The following ZER1 variants were observed in gnomAD, a reference collection of about 807,000 sequenced individuals.
The protein encoded by ZER1 is zyg-11 related cell cycle regulator, also known as protein zer-1 homolog.
In ZER1, 11 loss-of-function variants were observed where a neutral mutation model predicts 78.8. That is an observed-to-expected ratio of 0.14 (90% CI 0.09 to 0.23). The LOEUF (loss-of-function observed/expected upper bound fraction) is 0.23, where lower values mean the gene tolerates loss of function less well. Ranked by LOEUF, ZER1 falls within the 10% of genes least tolerant of loss-of-function variation. The probability of loss-of-function intolerance (pLI) is 1.00; values close to 1 mark genes in which losing one functional copy is unlikely to be tolerated. For missense variants in ZER1, 588 were observed against 996.9 expected (o/e 0.59, Z 5.52); for synonymous variants, 400 against 407.0 (o/e 0.98, Z 0.21).
chr9:128,735,185 C>A, intron 14 of ZER1, 149 bp downstream of exon 14: 1 of 709,780 alleles, frequency 1.4e-6, no homozygotes, highest in Non-Finnish European at 2.3e-6. Flanking sequence ...GCTGGGTGTC[C>A]CACAAACGCT....
chr9:128,735,261 A>G lies in ZER1; in HGVS notation c.2140+73T>C, dbSNP rs979623824. ...GCAGCAATTAATGCCCCCCTCCTGGACTACAAACTCCCTGAGGGCACATCT... is the reference window on the plus strand; with the variant it reads ...GCAGCAATTAATGCCCCCCTCCTGGGCTACAAACTCCCTGAGGGCACATCT... On this transcript the variant is annotated intron_variant, in intron 14 of 15. Transcript: ENST00000291900. 2.9e-6 allele frequency: 4 copies of G among 1,372,088 alleles called. No homozygotes were observed. In the African/African-American group the frequency reaches 5.8e-5, roughly 20 times the overall value. The allele number at this position is 1,372,088 out of a possible 1,614,324, so 85.0% of individuals were successfully genotyped here. A position where few individuals can be genotyped will look rare whatever the true frequency, so the allele number is the denominator to read the frequency against.
At chr9:128,769,104 T>C (rs1162232678) in intron 1 of ZER1, among the ~76,000 whole-genome samples, 1 of 152,182 alleles carries the variant, frequency 6.6e-6, no homozygotes, top group Admixed American at 6.6e-5. Flanking sequence ...AGGACCAAGC[T>C]AACGTCTTCT....
intron 5 of ZER1, among the ~76,000 whole-genome samples, chr9:128,752,120 C>T (rs548983397): frequency 6.6e-6 from 1 of 152,304 alleles, no homozygotes; most frequent in Non-Finnish European, 1.5e-5. Flanking sequence ...AATGAGCTTT[C>T]AGGACAGCCA....
Position 128,755,344 on chromosome 9 carries a change from C to A in ZER1, c.158+64G>T. On this transcript the variant is annotated intron_variant, in intron 2 of 15. Coordinates refer to ENST00000291900, the MANE Select transcript of ZER1 (RefSeq NM_006336.4). This position sits in a 1 kb window ranked among gnomAD's most constrained non-coding sequence, Gnocchi z 5.6. The stretch of plus-strand genomic sequence containing the variant: ...ACTCCCCACATAGTGCACACACGGT[C>A]CCAATCTCTCTATACACATTCATGG... 2 of 1,594,858 alleles carry A rather than the reference C, an allele frequency of 1.3e-6. No individual in the cohort carries two copies. The highest frequency in any genetic ancestry group is 1.1e-5 in the South Asian group (1 of 89,956).
Position 128,755,112 on chromosome 9 carries a change from C to T in ZER1, c.158+296G>A, listed in dbSNP as rs1863813379. Among the ~76,000 whole-genome samples the T allele has an allele frequency of 6.6e-6, 1 of 152,178 alleles. No homozygotes were observed. Among genetic ancestry groups the T allele is most frequent in the South Asian group, 2.1e-4 (1 of 4,832 alleles). On this transcript the variant is annotated intron_variant, in intron 2 of 15. Coordinates refer to ENST00000291900, the MANE Select transcript of ZER1 (RefSeq NM_006336.4). This position sits in a 1 kb window ranked among gnomAD's most constrained non-coding sequence, Gnocchi z 5.6. Reference sequence around the variant, plus strand: ...TGACACAATCACATCTCTAAATGCACACATGCAGTTTCACAGTCAGAAATA... The same window carrying T: ...TGACACAATCACATCTCTAAATGCATACATGCAGTTTCACAGTCAGAAATA...
chr9:128,735,644 G>A (rs1318237053), intron 13 of ZER1, among the ~76,000 whole-genome samples: 1 of 151,966 alleles, frequency 6.6e-6, no homozygotes, highest in Non-Finnish European at 1.5e-5. Flanking sequence ...ACATGAGGGA[G>A]GCACAAGGGA....
rs1863236988 is a variant in ZER1, at chr9:128,740,052, T to C, written c.1921A>G (p.Ile641Val). The C allele has an allele frequency of 4.3e-6, 7 of 1,614,012 alleles. No homozygotes were observed. The highest frequency in any genetic ancestry group is 5.9e-6 in the Non-Finnish European group (7 of 1,179,936). Residue 641 changes from isoleucine to valine, a missense_variant, in exon 13 of 16, where the codon ATC becomes GTC. This residue lies in a region of ZER1 where 122 missense variants were observed against 173.5 expected (regional missense o/e 0.70). Coordinates refer to ENST00000291900, the MANE Select transcript of ZER1 (RefSeq NM_006336.4). This position sits in a 1 kb window ranked among gnomAD's most constrained non-coding sequence, Gnocchi z 4.4. ...CAGGCCTCGGGTCCATCAAACATGATGTGGGAGAGGACGCCGCAGGCATTG... is the reference window on the plus strand; with the variant it reads ...CAGGCCTCGGGTCCATCAAACATGACGTGGGAGAGGACGCCGCAGGCATTG... ...SYNACGVLSH[I>V]MFDGPEAWGV... is the part of the protein sequence containing the mutation.
At position 128,739,985 on chromosome 9, in the gene ZER1, A is replaced by G. The variant is rs1863233756; in HGVS notation, c.1988T>C (p.Met663Thr). 1 of 1,613,710 alleles carries G rather than the reference A, an allele frequency of 6.2e-7. No individual in the cohort carries two copies. The highest frequency in any genetic ancestry group is 8.5e-7 in the Non-Finnish European group (1 of 1,179,776). ...GTCCCAGCTCTGGATGGCAGCCCAC[A>G]TGCGTTCCTCCACCTCCTCACGCTG... ...EPQREEVEER[M>T]WAAIQSWDIN... Residue 663 changes from methionine (M) to threonine (T), a missense_variant, in exon 13 of 16, where the codon ATG becomes ACG. Transcript: ENST00000291900.
chr9:128,757,302 T>C (rs1435278975), intron 1 of ZER1, among the ~76,000 whole-genome samples: 1 of 152,098 alleles, frequency 6.6e-6, no homozygotes, highest in Non-Finnish European at 1.5e-5. Context: ...GCAAATTGCT[T>C]GAGCCCAGGA....
intron 1 of ZER1, among the ~76,000 whole-genome samples, chr9:128,762,706 C>A (rs1377672185): frequency 6.6e-6 from 1 of 152,220 alleles, no homozygotes; most frequent in African/African-American, 2.4e-5. Flanking sequence ...CAGCTCCGGG[C>A]CTGTGCTCCC....
At chr9:128,735,792 T>C (rs921189590) in intron 13 of ZER1, among the ~76,000 whole-genome samples, 1 of 121,710 alleles carries the variant, frequency 8.2e-6, no homozygotes, top group East Asian at 2.4e-4. Flanking sequence ...TTTTTTTTTT[T>C]TGTGAGACGG....
intron 1 of ZER1, among the ~76,000 whole-genome samples, chr9:128,765,161 TG>T (rs1589548036): frequency 6.6e-6 from 1 of 152,198 alleles, no homozygotes. Context: ...CTGTGAGCTC[TG>T]GGAGGACAGA....
At chr9:128,733,331 G>T in intron 15 of ZER1, 95 bp downstream of exon 15, 1 of 1,034,688 alleles carries the variant, frequency 9.7e-7, no homozygotes, top group Non-Finnish European at 1.5e-6. Flanking sequence ...CTGTCCCTGG[G>T]AATTTCAGCC....
At position 128,740,712 on chromosome 9, in the gene ZER1, G is replaced by T; in HGVS notation, c.1853+60C>A. The T allele has an allele frequency of 2.6e-6, 2 of 763,880 alleles. No homozygotes were observed. Among genetic ancestry groups the T allele is most frequent in the Non-Finnish European group, 4.9e-6 (2 of 408,940 alleles). The allele number at this position is 763,880 out of a possible 1,614,324, so 47.3% of individuals were successfully genotyped here. A position where few individuals can be genotyped will look rare whatever the true frequency, so the allele number is the denominator to read the frequency against. The stretch of plus-strand genomic sequence containing the variant: ...AGAGCAGTTGTGCAACTGAGCAAAC[G>T]CTAGAGCTCTGAGCATTGTGGCAGC... On this transcript the variant is annotated intron_variant, in intron 12 of 15. Coordinates refer to ENST00000291900, the MANE Select transcript of ZER1 (RefSeq NM_006336.4). The surrounding 1 kb of genome is among the most constrained non-coding windows in gnomAD (Gnocchi z 4.4).
In ZER1 at chr9:128,751,672, G is replaced by T; in HGVS notation, c.924-145C>A. 1.5e-6 allele frequency: 1 copy of T among 667,302 alleles called. No homozygotes were observed. Among genetic ancestry groups the T allele is most frequent in the Non-Finnish European group, 2.6e-6 (1 of 387,274 alleles). 41.3% of individuals were successfully genotyped at this position (667,302 alleles called of 1,614,324 possible). Reference sequence around the variant, plus strand: ...ACTCCTTTTGTTTTTAATGGTAGGGGACATAAGCACCACCTCCTGATGGAA... The same window carrying T: ...ACTCCTTTTGTTTTTAATGGTAGGGTACATAAGCACCACCTCCTGATGGAA... On this transcript the variant is annotated intron_variant, in intron 5 of 15. Transcript: ENST00000291900. This position sits in a 1 kb window ranked among gnomAD's most constrained non-coding sequence, Gnocchi z 5.4.
At chr9:128,733,388 C>A (rs757898519) in intron 15 of ZER1, 38 bp downstream of exon 15, 14 of 1,600,412 alleles carry the variant, frequency 8.7e-6, no homozygotes, top group Non-Finnish European at 1.0e-5. Context: ...CTCCCCTAAA[C>A]CAAGGTTCCA....
intron 14 of ZER1, 55 bp downstream of exon 14, chr9:128,735,279 G>A: frequency 6.6e-7 from 1 of 1,506,920 alleles, no homozygotes; most frequent in Non-Finnish European, 9.1e-7. Context: ...CTCCCTGAGG[G>A]CACATCTGCT....
intron 14 of ZER1, among the ~76,000 whole-genome samples, chr9:128,734,973 T>C (rs925134118): frequency 4.6e-5 from 7 of 152,148 alleles, no homozygotes; most frequent in Admixed American, 2.6e-4. Context: ...TCATTGCAGC[T>C]GGAAACTCCA....
At chr9:128,743,842 C>T (rs1863390803) in intron 8 of ZER1, among the ~76,000 whole-genome samples, 3 of 151,198 alleles carry the variant, frequency 2.0e-5, no homozygotes, top group Admixed American at 6.6e-5. Flanking sequence ...GTGATCCTCC[C>T]ACCTCAGCCT....
Sources: gnomAD v4.1 joint callset for allele counts (sites outside exome capture counted in the v4.1 genomes callset) on GRCh38, gnomAD v4.1.1 for gene constraint, gnomAD v4.1.1 regional missense constraint, Gnocchi (gnomAD v3.1) non-coding constraint, MANE v1.5 for transcripts, NCBI Gene and HGNC (gene_info 2026-07-23, HGNC 2026-07-21) for gene names.